PEMT: variants seen among roughly 807,000 people sequenced by gnomAD.
The protein encoded by PEMT is phospholipid methyltransferase.
In PEMT, 23 loss-of-function variants were observed where a neutral mutation model predicts 27.4. The ratio of observed to expected loss-of-function variants is 0.84; its 90% confidence interval spans 0.60 to 1.19. The LOEUF (loss-of-function observed/expected upper bound fraction) is 1.19. PEMT is among the 50% of genes most tolerant of loss of function. The pLI, the probability that PEMT is intolerant of heterozygous loss-of-function variation, is 0.00. For synonymous variants in PEMT, 137 were observed against 139.1 expected (o/e 0.98, Z 0.11); for missense variants, 307 against 310.1 (o/e 0.99, Z 0.07).
At chr17:17,508,480 T>C (rs1340297306) in intron 5 of PEMT, among the ~76,000 whole-genome samples, 2 of 152,218 alleles carry the variant, frequency 1.3e-5, no homozygotes, top group African/African-American at 4.8e-5. Flanking sequence ...GGAGGCAACA[T>C]CTTGCGCTTG....
At chr17:17,537,497 G>A (rs934216076) in intron 2 of PEMT, among the ~76,000 whole-genome samples, 2 of 152,170 alleles carry the variant, frequency 1.3e-5, no homozygotes, top group African/African-American at 2.4e-5. Flanking sequence ...AGCCATCCCC[G>A]TGCCCAGCAG....
chr17:17,524,718 G>T (rs1224488029), intron 2 of PEMT, among the ~76,000 whole-genome samples: 1 of 152,118 alleles, frequency 6.6e-6, no homozygotes, highest in Non-Finnish European at 1.5e-5. Flanking sequence ...TGAAGACAGA[G>T]CAAGACCCTG....
At chr17:17,566,920 T>A (rs920504180) in intron 2 of PEMT, among the ~76,000 whole-genome samples, 3 of 152,202 alleles carry the variant, frequency 2.0e-5, no homozygotes, top group African/African-American at 7.2e-5. Flanking sequence ...CTGGGTCCCC[T>A]GCCTCCTCTC....
At chr17:17,539,415 G>A (rs1450852656) in intron 2 of PEMT, among the ~76,000 whole-genome samples, 9 of 152,126 alleles carry the variant, frequency 5.9e-5, no homozygotes, top group Non-Finnish European at 1.2e-4. Flanking sequence ...GTTCCATCCC[G>A]TTTCCCTCCT....
intron 3 of PEMT, chr17:17,519,183 C>A (rs70963019): frequency 0.022 from 3,323 of 152,052 alleles, 45 homozygotes; most frequent in Non-Finnish European, 0.032. Context: ...CAGGTGTGGG[C>A]GGGAAGGATG....
At chr17:17,540,404 G>A (rs1009058169) in intron 2 of PEMT, among the ~76,000 whole-genome samples, 1 of 152,208 alleles carries the variant, frequency 6.6e-6, no homozygotes, top group East Asian at 1.9e-4. Flanking sequence ...GCACACGTGA[G>A]GGAGGGTGGC....
chr17:17,529,660 C>T (rs1050077553), intron 2 of PEMT, among the ~76,000 whole-genome samples: 16 of 152,226 alleles, frequency 1.1e-4, no homozygotes, highest in Admixed American at 3.9e-4. Flanking sequence ...CATGGCACAG[C>T]GGGGGACACT....
At position 17,509,546 on chromosome 17, in the gene PEMT, C is replaced by A; in HGVS notation, c.467-1G>T. 1 of 1,604,860 alleles carries A rather than the reference C, an allele frequency of 6.2e-7. No homozygotes were observed. Among genetic ancestry groups the A allele is most frequent in the Middle Eastern group, 1.7e-4 (1 of 6,042 alleles). On this transcript the variant is annotated splice_acceptor_variant, in intron 4 of 6. Transcript: ENST00000255389. LOFTEE classifies it high-confidence loss of function. The stretch of plus-strand genomic sequence containing the variant: ...TCCTTGAGGATCCCGAAGTAATCAC[C>A]TGTGGATGAGGCAAGGCAGGGTCCC...
chr17:17,592,017 G>T (rs1211718753), upstream of PEMT: 1 of 985,354 alleles, frequency 1.0e-6, no homozygotes, highest in East Asian at 1.1e-4. Context: ...GCCGGGGGCC[G>T]CGGGTCGTAG....
chr17:17,586,123 T>TA (rs1426738206), intron 1 of PEMT, among the ~76,000 whole-genome samples: 3 of 76,722 alleles, frequency 3.9e-5, no homozygotes, highest in South Asian at 3.9e-4. Flanking sequence ...TGAGACCCAT[T>TA]AAAAAAAATC....
chr17:17,508,669 C>T (rs1184488321), intron 5 of PEMT: 5 of 389,642 alleles, frequency 1.3e-5, no homozygotes, highest in South Asian at 7.6e-5. Flanking sequence ...GGGTATGAAG[C>T]CGAGGGCAGC....
intron 2 of PEMT, among the ~76,000 whole-genome samples, chr17:17,546,113 C>T (rs1411909796): frequency 2.6e-5 from 4 of 152,086 alleles, no homozygotes; most frequent in African/African-American, 9.7e-5. Context: ...CCAGGTGGGG[C>T]CGAGCCTCCC....
intron 2 of PEMT, among the ~76,000 whole-genome samples, chr17:17,540,970 G>A (rs1908838510): frequency 6.6e-6 from 1 of 152,140 alleles, no homozygotes; most frequent in Non-Finnish European, 1.5e-5. Context: ...GCTTTCTGTG[G>A]GCACTGACAG....
intron 2 of PEMT, among the ~76,000 whole-genome samples, chr17:17,565,584 CTCT>C (rs1293772962): frequency 4.6e-5 from 7 of 152,252 alleles, no homozygotes; most frequent in Non-Finnish European, 1.0e-4. Flanking sequence ...ACAGGGCTGC[CTCT>C]AGGGCAACTG....
intron 2 of PEMT, among the ~76,000 whole-genome samples, chr17:17,532,429 A>C (rs1342607533): frequency 6.6e-6 from 1 of 152,270 alleles, no homozygotes; most frequent in Non-Finnish European, 1.5e-5. Flanking sequence ...CATTTACTAT[A>C]GCAATTAAAG....
chr17:17,571,736 T>C (rs1911218414), intron 2 of PEMT, among the ~76,000 whole-genome samples: 1 of 147,598 alleles, frequency 6.8e-6, no homozygotes, highest in African/African-American at 2.5e-5. Context: ...TGATACAGGG[T>C]CTCACTCTGC....
intron 2 of PEMT, among the ~76,000 whole-genome samples, chr17:17,552,642 C>T (rs890627589): frequency 1.3e-5 from 2 of 152,344 alleles, no homozygotes; most frequent in East Asian, 1.9e-4. Context: ...GGTGGCCCTG[C>T]GTGGAGATGC....
chr17:17,567,184 C>A (rs1410474906), intron 2 of PEMT, among the ~76,000 whole-genome samples: 1 of 152,222 alleles, frequency 6.6e-6, no homozygotes, highest in East Asian at 1.9e-4. Context: ...CAGTGGGGAT[C>A]CTGCCTGCCA....
chr17:17,562,435 C>A (rs1263165713), intron 2 of PEMT, among the ~76,000 whole-genome samples: 1 of 152,150 alleles, frequency 6.6e-6, no homozygotes, highest in Admixed American at 6.5e-5. Flanking sequence ...TCCCTCGCCA[C>A]GGGCTGTCCC....
Sources: gnomAD v4.1 joint callset for allele counts (sites outside exome capture counted in the v4.1 genomes callset) on GRCh38, gnomAD v4.1.1 for gene constraint, MANE v1.5 for transcripts, NCBI Gene and HGNC (gene_info 2026-07-23, HGNC 2026-07-21) for gene names.